Variants in DNAH10 observed in about 807,000 individuals in gnomAD.
The protein encoded by DNAH10 is axonemal beta dynein heavy chain 10.
DNAH10 carries 348 observed loss-of-function variants against 506.6 expected under a neutral mutation model. The observed-to-expected ratio is 0.69, with a 90% CI of 0.63 to 0.75. The LOEUF (loss-of-function observed/expected upper bound fraction) is 0.75, where lower values mean the gene tolerates loss of function less well. Ranked by LOEUF, DNAH10 falls within the 30% of genes least tolerant of loss-of-function variation. The pLI is 0.00. For missense variants in DNAH10, 5,179 were observed against 5,787.1 expected (o/e 0.89, Z 3.41); for synonymous variants, 2,059 against 2,198.6 (o/e 0.94, Z 1.78).
intron 11 of DNAH10, among the ~76,000 whole-genome samples, chr12:123,791,433 C>T (rs1958076861): frequency 6.6e-6 from 1 of 152,192 alleles, no homozygotes; most frequent in Admixed American, 6.5e-5. Flanking sequence ...TTTATAACCT[C>T]ACAGCATCTT....
intron 50 of DNAH10, among the ~76,000 whole-genome samples, chr12:123,881,041 A>G (rs1952486633): frequency 6.6e-6 from 1 of 152,028 alleles, no homozygotes; most frequent in African/African-American, 2.4e-5. Context: ...TTCTTAATCC[A>G]GTCTATCATT....
At chr12:123,877,961 T>A in intron 48 of DNAH10, 53 bp downstream of exon 48, 2 of 1,575,754 alleles carry the variant, frequency 1.3e-6, no homozygotes, top group Non-Finnish European at 1.7e-6. Context: ...ATAGTTTTCT[T>A]ATTCTTTTAA....
chr12:123,781,271 T>C lies in DNAH10; in HGVS notation c.813T>C (p.Asn271=), dbSNP rs1460397788. Residue 271 remains asparagine (N), a synonymous_variant, in exon 6 of 79, where the codon AAT becomes AAC. Coordinates refer to ENST00000673944, the MANE Select transcript of DNAH10 (RefSeq NM_001372106.1). ...FLMNVQKFAS[N]IQRTMQQLEG... is the part of the protein sequence containing the mutation. ...TGAACGTGCAGAAATTTGCAAGTAA[T>C]ATTCAAAGAACCATGCAGCAACTTG... The C allele has an allele frequency of 6.2e-7, 1 of 1,613,668 alleles. No homozygotes were observed. Among genetic ancestry groups the C allele is most frequent in the Non-Finnish European group, 8.5e-7 (1 of 1,179,818 alleles).
intron 21 of DNAH10, among the ~76,000 whole-genome samples, chr12:123,817,766 T>A (rs1371894104): frequency 6.6e-6 from 1 of 152,162 alleles, no homozygotes; most frequent in Non-Finnish European, 1.5e-5. Context: ...GAGAGAGGAT[T>A]GGAGGCGTTG....
Position 123,774,274 on chromosome 12 carries a change from G to A in DNAH10, c.621+10G>A, listed in dbSNP as rs898555430. The A allele has an allele frequency of 2.6e-6, 4 of 1,551,192 alleles. No homozygotes were observed. The Admixed American group carries it at 6.0e-5, about 23-fold the overall frequency. On this transcript the variant is annotated intron_variant, in intron 5 of 78. Transcript: ENST00000673944. Reference sequence around the variant, plus strand: ...GAATATTATATGTCAGGTAAACATGGAGAAAGGAAGAAATTCTAGTATTTC... The same window carrying A: ...GAATATTATATGTCAGGTAAACATGAAGAAAGGAAGAAATTCTAGTATTTC...
intron 6 of DNAH10, 118 bp from the exon 7 acceptor site, chr12:123,782,989 G>T: frequency 2.4e-6 from 2 of 818,434 alleles, no homozygotes; most frequent in Non-Finnish European, 4.0e-6. Flanking sequence ...CAGGGGATGC[G>T]TCAGACCTTA....
rs1421041364 is a variant in DNAH10 at position 123,926,648 on chromosome 12, C to A, written c.11933C>A (p.Pro3978His). The A allele has an allele frequency of 1.9e-6, 3 of 1,613,270 alleles. No homozygotes were observed. The highest frequency in any genetic ancestry group is 2.5e-6 in the Non-Finnish European group (3 of 1,179,640). ...GTTTCTTTCACCAGGTATGTGCAGC[C>A]CCCAATGATCAGCTTTGAAGCTATT... is the stretch of plus-strand genomic sequence containing the variant. ...TVTMGEKYVQ[P>H]PMISFEAIFE... is the part of the protein sequence containing the mutation. Residue 3978 changes from proline (P) to histidine (H), a missense_variant, in exon 69 of 79, where the codon CCC (proline) becomes CAC (histidine). Physicochemically the swap from Pro to His is moderately conservative, Grantham distance 77. This residue lies in a region of DNAH10 where 4,844 missense variants were observed against 5,430.5 expected (regional missense o/e 0.89). Coordinates refer to ENST00000673944, the MANE Select transcript of DNAH10 (RefSeq NM_001372106.1). The surrounding 1 kb of genome is among the most constrained non-coding windows in gnomAD (Gnocchi z 4.1).
At chr12:123,813,105 C>T (rs891879340) in intron 19 of DNAH10, 59 bp from the exon 20 acceptor site, 8 of 1,288,326 alleles carry the variant, frequency 6.2e-6, no homozygotes, top group East Asian at 4.6e-5. Flanking sequence ...CTAATATGTA[C>T]GTTGGAGGCA....
In DNAH10 at chr12:123,838,693, A is replaced by T; in HGVS notation, c.5136+4A>T. 1.9e-6 allele frequency: 3 copies of T among 1,612,846 alleles called. No homozygotes were observed. Among genetic ancestry groups the T allele is most frequent in the Non-Finnish European group, 2.5e-6 (3 of 1,179,434 alleles). ...CGTCCAGGAGCACATGATCAAGGTC[A>T]GCCCTCTGGGTGTGCAGGGGCTCCC... On this transcript the variant is annotated splice_donor_region_variant and intron_variant, in intron 29 of 78. Transcript: ENST00000673944.
chr12:123,815,026 C>CA (rs1481868687), intron 21 of DNAH10, among the ~76,000 whole-genome samples: 2 of 152,070 alleles, frequency 1.3e-5, no homozygotes, highest in Non-Finnish European at 2.9e-5. Context: ...GGGTCACACA[C>CA]AAAAAATGAA....
chr12:123,830,520 A>G, intron 25 of DNAH10, 26 bp from the exon 26 acceptor site: 4 of 1,601,320 alleles, frequency 2.5e-6, no homozygotes, highest in Non-Finnish European at 3.4e-6. Flanking sequence ...GTAAGCATAA[A>G]GATTTGAATG....
chr12:123,875,473 C>T lies in DNAH10; in HGVS notation c.8181C>T (p.Ile2727=). 6.2e-7 allele frequency: 1 copy of T among 1,613,904 alleles called. No individual in the cohort carries two copies. Among genetic ancestry groups the T allele is most frequent in the Middle Eastern group, 1.6e-4 (1 of 6,062 alleles). ...CTCTGCATTTAATTTATTCCTCCATCCTGAAAGGCCACACCTCGGTAACTT... is the reference window on the plus strand; with the variant it reads ...CTCTGCATTTAATTTATTCCTCCATTCTGAAAGGCCACACCTCGGTAACTT... ...EESLHLIYSS[I]LKGHTSTFHE... is the part of the protein sequence containing the mutation. Residue 2727 remains isoleucine, a synonymous_variant, in exon 47 of 79, where the codon ATC becomes ATT. Coordinates refer to ENST00000673944, the MANE Select transcript of DNAH10 (RefSeq NM_001372106.1).
In DNAH10 at chr12:123,897,816, G is replaced by A. The variant is rs201365613; in HGVS notation, c.9327G>A (p.Lys3109=). 3.1e-6 allele frequency: 5 copies of A among 1,610,640 alleles called. No homozygotes were observed. Among genetic ancestry groups the A allele is most frequent in the African/African-American group, 1.3e-5 (1 of 74,770 alleles). Reference sequence around the variant, plus strand: ...CAGAAAATATAGAAAATGTGGTGAAGCATGTTGTCTTGGTTCACCAATCCG... The same window carrying A: ...CAGAAAATATAGAAAATGTGGTGAAACATGTTGTCTTGGTTCACCAATCCG... The part of the protein sequence containing the change: ...IPAENIENVV[K]HVVLVHQSVD... The change falls in exon 55 of 79, where the codon AAG becomes AAA. Residue 3109 remains lysine, a synonymous_variant. Transcript: ENST00000673944.
intron 58 of DNAH10, 59 bp from the exon 59 acceptor site, chr12:123,910,477 T>C: frequency 6.3e-7 from 1 of 1,587,394 alleles, no homozygotes. Flanking sequence ...ATTTTGTCTA[T>C]TTTATGCTCC....
intron 52 of DNAH10, 151 bp from the exon 53 acceptor site, chr12:123,893,082 C>T (rs1489237002): frequency 2.5e-6 from 2 of 785,566 alleles, no homozygotes; most frequent in Non-Finnish European, 4.1e-6. Flanking sequence ...CACGAGGTGG[C>T]AGGGAGCCTC....
intron 35 of DNAH10, among the ~76,000 whole-genome samples, chr12:123,852,620 T>G (rs1951220445): frequency 6.6e-6 from 1 of 152,040 alleles, no homozygotes. Context: ...TCACCCAGGT[T>G]GGAGTGCAGT....
chr12:123,891,684 G>A (rs11833120), intron 52 of DNAH10, among the ~76,000 whole-genome samples: 7,371 of 152,172 alleles, frequency 0.048, 593 homozygotes, highest in African/African-American at 0.17. Flanking sequence ...TGGGAGTCTT[G>A]GGCTCCCTGC....
At chr12:123,871,727 C>G in intron 45 of DNAH10, 125 bp downstream of exon 45, 4 of 1,164,218 alleles carry the variant, frequency 3.4e-6, no homozygotes, top group Non-Finnish European at 4.8e-6. Flanking sequence ...GAGTGACTTA[C>G]CTGGGAGCTT....
chr12:123,786,339 A>AT (rs528766304), intron 9 of DNAH10, among the ~76,000 whole-genome samples: 1,677 of 138,578 alleles, frequency 0.012, 33 homozygotes, highest in African/African-American at 0.039. Flanking sequence ...AGTACAATTC[A>AT]TTTTTTTTTT....
Sources: allele counts gnomAD v4.1 joint callset (sites outside exome capture counted in the v4.1 genomes callset), GRCh38; gene constraint gnomAD v4.1.1; regional missense constraint gnomAD v4.1.1; non-coding constraint Gnocchi (gnomAD v3.1); transcripts MANE v1.5; gene names NCBI Gene and HGNC (gene_info 2026-07-23, HGNC 2026-07-21).